The following MCM2 variants were observed in gnomAD, a reference collection of about 807,000 sequenced individuals.
The protein encoded by MCM2 is minichromosome maintenance complex component 2.
MCM2 carries 49 observed loss-of-function variants against 86.4 expected under a neutral mutation model. That is an observed-to-expected ratio of 0.57 (90% CI 0.45 to 0.72). The LOEUF (loss-of-function observed/expected upper bound fraction) is 0.72. Ranked by LOEUF, MCM2 falls within the 30% of genes least tolerant of loss-of-function variation. The pLI is 0.00. For synonymous variants in MCM2, 475 were observed against 484.6 expected (o/e 0.98, Z 0.26); for missense variants, 1,038 against 1,259.9 (o/e 0.82, Z 2.67).
Position 127,617,909 on chromosome 3 carries a change from G to T in MCM2, c.1901-60G>T. ...CCTTCTGCCATCAGAGCAGCCTGGG[G>T]TCCCTGAGATGGGAGGATAGGGGAA... On this transcript the variant is annotated intron_variant, in intron 11 of 15. Coordinates refer to ENST00000265056, the MANE Select transcript of MCM2 (RefSeq NM_004526.4). This position sits in a 1 kb window ranked among gnomAD's most constrained non-coding sequence, Gnocchi z 4.1. 2 of 1,315,268 alleles carry T rather than the reference G, an allele frequency of 1.5e-6. No individual in the cohort carries two copies. Among genetic ancestry groups the T allele is most frequent in the East Asian group, 2.4e-5 (1 of 41,836 alleles). 81.5% of individuals were successfully genotyped at this position (1,315,268 alleles called of 1,614,324 possible).
chr3:127,598,428 G>C lies in MCM2; in HGVS notation c.-39G>C. On this transcript the variant is annotated 5_prime_UTR_variant, in exon 1 of 16. Coordinates refer to ENST00000265056, the MANE Select transcript of MCM2 (RefSeq NM_004526.4). ...GTGAACCACTTTTCGCGCGAAACCT[G>C]GTTGTTGCTGTAGTGGCGGAGAGGA... 1 of 1,613,490 alleles carries C rather than the reference G, an allele frequency of 6.2e-7. No individual in the cohort carries two copies.
At position 127,611,682 on chromosome 3, in the gene MCM2, C is replaced by CTTTTTTTTTT. The variant is rs59607211; in HGVS notation, c.1428+2684_1428+2693dup. On this transcript the variant is annotated intron_variant, in intron 8 of 15. Transcript: ENST00000265056. ...AAGCCCTGCAGGCTTCTGCAGCTGA[C>CTTTTTTTTTT]TTTTTTTTTTTTTTTTTTTTTTTTT... is the stretch of plus-strand genomic sequence containing the variant. Among the ~76,000 whole-genome samples, 2 of 54,282 alleles carry CTTTTTTTTTT rather than the reference C, an allele frequency of 3.7e-5. 1 individual carries two copies. Among genetic ancestry groups the CTTTTTTTTTT allele is most frequent in the Non-Finnish European group, 6.2e-5 (2 of 32,018 alleles). The allele number at this position is 54,282 out of a possible 152,430, so 35.6% of individuals were successfully genotyped here.
intron 8 of MCM2, chr3:127,610,908 G>A (rs890420158): frequency 8.8e-6 from 4 of 456,594 alleles, no homozygotes; most frequent in African/African-American, 8.0e-5. Context: ...TCAGCGTCAG[G>A]AAGCCAGGAG....
Position 127,615,975 on chromosome 3 carries a change from C to T in MCM2, c.1522+20C>T. On this transcript the variant is annotated intron_variant, in intron 9 of 15. Transcript: ENST00000265056. ...ACCCAGGTGAGCACCCACCTTTCCT[C>T]TGCAGGGGTGTTAGCAGCTTTCTCT... is the stretch of plus-strand genomic sequence containing the variant. 6.3e-7 allele frequency: 1 copy of T among 1,589,838 alleles called. No homozygotes were observed. Among genetic ancestry groups the T allele is most frequent in the South Asian group, 1.1e-5 (1 of 90,590 alleles).
At position 127,617,571 on chromosome 3, in the gene MCM2, T is replaced by A; in HGVS notation, c.1900+166T>A. 1 of 832,524 alleles carries A rather than the reference T, an allele frequency of 1.2e-6. No homozygotes were observed. The highest frequency in any genetic ancestry group is 1.8e-6 in the Non-Finnish European group (1 of 549,858). The allele number at this position is 832,524 out of a possible 1,614,324, so 51.6% of individuals were successfully genotyped here. On this transcript the variant is annotated intron_variant, in intron 11 of 15. Coordinates refer to ENST00000265056, the MANE Select transcript of MCM2 (RefSeq NM_004526.4). This position sits in a 1 kb window ranked among gnomAD's most constrained non-coding sequence, Gnocchi z 4.1. ...CTGCCAGAGTGGGGAACAGTGAAAG[T>A]GGGACCTGGGACACCTGGGTTTCCT...
rs2074350309 is a variant in MCM2 at position 127,606,427 on chromosome 3, G to A, written c.893+90G>A. On this transcript the variant is annotated intron_variant, in intron 5 of 15. Coordinates refer to ENST00000265056, the MANE Select transcript of MCM2 (RefSeq NM_004526.4). The surrounding 1 kb of genome is among the most constrained non-coding windows in gnomAD (Gnocchi z 4.2). Reference sequence around the variant, plus strand: ...CTGAAGAGCGATTGTGGTGTGGGCGGGGAGGGTGCAGCCAGCAGCATCCTC... The same window carrying A: ...CTGAAGAGCGATTGTGGTGTGGGCGAGGAGGGTGCAGCCAGCAGCATCCTC... 1 of 1,368,022 alleles carries A rather than the reference G, an allele frequency of 7.3e-7. No individual in the cohort carries two copies. The highest frequency in any genetic ancestry group is 1.0e-6 in the Non-Finnish European group (1 of 982,032). 84.7% of individuals were successfully genotyped at this position (1,368,022 alleles called of 1,614,324 possible).
intron 13 of MCM2, 131 bp downstream of exon 13, chr3:127,619,409 A>AATGTAGGTGC: frequency 8.6e-7 from 1 of 1,163,388 alleles, no homozygotes; most frequent in South Asian, 1.6e-5. Flanking sequence ...TTAAAAAAAA[A>AATGTAGGTGC]ATGTAGGTGC....
Position 127,606,394 on chromosome 3 carries a change from C to G in MCM2, c.893+57C>G. 1 of 1,548,936 alleles carries G rather than the reference C, an allele frequency of 6.5e-7. No individual in the cohort carries two copies. Among genetic ancestry groups the G allele is most frequent in the Non-Finnish European group, 8.9e-7 (1 of 1,127,584 alleles). ...CGAGCTCAGTGCTGGGTGACTCGGT[C>G]GTGATTCCTGAAGAGCGATTGTGGT... is the stretch of plus-strand genomic sequence containing the variant. On this transcript the variant is annotated intron_variant, in intron 5 of 15. Transcript: ENST00000265056. This position sits in a 1 kb window ranked among gnomAD's most constrained non-coding sequence, Gnocchi z 4.2.
intron 14 of MCM2, 68 bp from the exon 15 acceptor site, chr3:127,621,005 A>T (rs1041202327): frequency 6.3e-7 from 1 of 1,591,178 alleles, no homozygotes. Context: ...GGGTGCTGGC[A>T]CGTAGGGTAA....
intron 2 of MCM2, among the ~76,000 whole-genome samples, chr3:127,602,249 G>A (rs1023254348): frequency 3.3e-5 from 5 of 149,892 alleles, no homozygotes; most frequent in Admixed American, 6.7e-5. Flanking sequence ...GAATGGGACC[G>A]ATACCTTTTC....
At position 127,605,173 on chromosome 3, in the gene MCM2, C is replaced by A; in HGVS notation, c.673+17C>A. Reference sequence around the variant, plus strand: ...TGTGCAAAGGTGTGGCTTCCCTACGCCCCCGCCTCAGCCCCTGTAGCGCCT... The same window carrying A: ...TGTGCAAAGGTGTGGCTTCCCTACGACCCCGCCTCAGCCCCTGTAGCGCCT... On this transcript the variant is annotated intron_variant, in intron 4 of 15. Coordinates refer to ENST00000265056, the MANE Select transcript of MCM2 (RefSeq NM_004526.4). 6.2e-7 allele frequency: 1 copy of A among 1,607,754 alleles called. No individual in the cohort carries two copies. The highest frequency in any genetic ancestry group is 8.5e-7 in the Non-Finnish European group (1 of 1,175,174).
intron 2 of MCM2, among the ~76,000 whole-genome samples, chr3:127,603,080 C>T (rs545510523): frequency 1.3e-5 from 2 of 151,360 alleles, no homozygotes; most frequent in African/African-American, 2.4e-5. Flanking sequence ...GGTGTGATCT[C>T]GGCTCACTGC....
chr3:127,599,261 G>A (rs2074285127), intron 1 of MCM2, 57 bp from the exon 2 acceptor site: 1 of 1,451,050 alleles, frequency 6.9e-7, no homozygotes, highest in African/African-American at 1.4e-5. Flanking sequence ...TAAAAAGGAA[G>A]CTGTATCATG....
intron 4 of MCM2, among the ~76,000 whole-genome samples, chr3:127,605,434 CTTTTTTTTT>C (rs1227332481): frequency 2.3e-5 from 2 of 86,124 alleles, no homozygotes; most frequent in Admixed American, 2.3e-4. Context: ...GGAATTGACT[CTTTTTTTTT>C]TTTTTTTTTT....
rs967497504 is a variant in MCM2 at position 127,606,907 on chromosome 3, G to C, written c.1101+90G>C. 1.2e-5 allele frequency: 16 copies of C among 1,305,854 alleles called. No individual in the cohort carries two copies. The highest frequency in any genetic ancestry group is 2.3e-4 in the Middle Eastern group (1 of 4,294). The allele number at this position is 1,305,854 out of a possible 1,614,324, so 80.9% of individuals were successfully genotyped here. ...TGGCCTCTCAGGCTGTGGAAGACCA[G>C]TGTGGGCAGCCGCAAGAAGCAAGAT... On this transcript the variant is annotated intron_variant, in intron 6 of 15. Coordinates refer to ENST00000265056, the MANE Select transcript of MCM2 (RefSeq NM_004526.4). This position sits in a 1 kb window ranked among gnomAD's most constrained non-coding sequence, Gnocchi z 4.2.
rs2074365297 is a variant in MCM2 at position 127,608,283 on chromosome 3, C to T, written c.1102-99C>T. 2.0e-6 allele frequency: 3 copies of T among 1,483,792 alleles called. No individual in the cohort carries two copies. The African/African-American group carries it at 4.2e-5, about 21-fold the overall frequency. The allele number at this position is 1,483,792 out of a possible 1,614,324, so 91.9% of individuals were successfully genotyped here. ...TGTCTTTGGCTCTCCATTTGCCACT[C>T]AGGAGTCGGAATCCTGCCTGTTCTC... On this transcript the variant is annotated intron_variant, in intron 6 of 15. Transcript: ENST00000265056.
At chr3:127,607,014 G>A (rs140593466) in intron 6 of MCM2, among the ~76,000 whole-genome samples, 197 bp downstream of exon 6, 113 of 152,364 alleles carry the variant, frequency 7.4e-4, no homozygotes, top group African/African-American at 2.4e-3. Context: ...GACGTTTTTA[G>A]GAATTCAAGT....
chr3:127,599,264 G>A (rs2074285321), intron 1 of MCM2, 54 bp from the exon 2 acceptor site: 3 of 1,494,082 alleles, frequency 2.0e-6, no homozygotes, highest in Admixed American at 1.7e-5. Flanking sequence ...AAAGGAAGCT[G>A]TATCATGCCT....
Position 127,621,309 on chromosome 3 carries a change from T to G in MCM2, c.2604+81T>G, listed in dbSNP as rs2074477346. On this transcript the variant is annotated intron_variant, in intron 15 of 15. Transcript: ENST00000265056. Reference sequence around the variant, plus strand: ...TCTCCTGATGGGGGCTCCATCATAATGGGTCATGAAGTGGGTGGGCCTTGG... The same window carrying G: ...TCTCCTGATGGGGGCTCCATCATAAGGGGTCATGAAGTGGGTGGGCCTTGG... The G allele has an allele frequency of 8.4e-6, 13 of 1,556,332 alleles. No homozygotes were observed. In the Admixed American group the frequency reaches 2.3e-4, roughly 27 times the overall value.
Sources: allele counts gnomAD v4.1 joint callset (sites outside exome capture counted in the v4.1 genomes callset), GRCh38; gene constraint gnomAD v4.1.1; non-coding constraint Gnocchi (gnomAD v3.1); transcripts MANE v1.5; gene names NCBI Gene and HGNC (gene_info 2026-07-23, HGNC 2026-07-21).